The following KIRREL3 variants were observed in gnomAD, a reference collection of about 807,000 sequenced individuals.
KIRREL3 encodes the protein kin of IRRE-like protein 3.
Under a neutral mutation model 89.7 loss-of-function variants are expected in KIRREL3, and 36 were observed. The ratio of observed to expected loss-of-function variants is 0.40; its 90% CI spans 0.31 to 0.53. KIRREL3 has a LOEUF of 0.53. Ranked by LOEUF, KIRREL3 falls within the 20% of genes least tolerant of loss-of-function variation. The pLI is 0.49. For synonymous variants in KIRREL3, 445 were observed against 441.4 expected (o/e 1.01, Z -0.10); for missense variants, 864 against 1,056.6 (o/e 0.82, Z 2.53).
At position 126,640,081 on chromosome 11, in the gene KIRREL3, A is replaced by G. The variant is rs988707879; in HGVS notation, c.56-77169T>C. ...ATGAACGTGCCCAGAGAAGACAATT[A>G]ATCTCCCACCTTCCCAAGCCAGTAC... On this transcript the variant is annotated intron_variant, in intron 1 of 16. Transcript: ENST00000525144. This position sits in a 1 kb window ranked among gnomAD's most constrained non-coding sequence, Gnocchi z 4.9. 2.0e-5 allele frequency among the ~76,000 whole-genome samples: 3 copies of G among 152,174 alleles called. No homozygotes were observed. Among genetic ancestry groups the G allele is most frequent in the African/African-American group, 7.2e-5 (3 of 41,430 alleles).
At chr11:126,626,945 G>A (rs1943812810) in intron 1 of KIRREL3, among the ~76,000 whole-genome samples, 1 of 151,592 alleles carries the variant, frequency 6.6e-6, no homozygotes, top group Admixed American at 6.6e-5. Flanking sequence ...TGGGGCGGAG[G>A]TTGCAGTTTG....
At position 126,994,346 on chromosome 11, in the gene KIRREL3, C is replaced by T. The variant is rs1211068211; in HGVS notation, c.55+6109G>A. On this transcript the variant is annotated intron_variant, in intron 1 of 16. Transcript: ENST00000525144. This position sits in a 1 kb window ranked among gnomAD's most constrained non-coding sequence, Gnocchi z 5.2. The stretch of plus-strand genomic sequence containing the variant: ...TTTCCAAGGAGAAGAAGGATGACTT[C>T]CTCTTTCCACCCTTCATGCCCCAAC... Among the ~76,000 whole-genome samples the T allele has an allele frequency of 1.3e-5, 2 of 152,148 alleles. No homozygotes were observed. The highest frequency in any genetic ancestry group is 4.1e-4 in the South Asian group (2 of 4,822).
intron 8 of KIRREL3, 84 bp from the exon 9 acceptor site, chr11:126,446,970 GACCT>G: frequency 2.7e-6 from 4 of 1,505,414 alleles, no homozygotes; most frequent in Non-Finnish European, 3.6e-6. Context: ...TTTCCCCCTA[GACCT>G]TGACTGGGGG....
At chr11:126,863,590 T>A (rs1393640631) in intron 1 of KIRREL3, among the ~76,000 whole-genome samples, 2 of 144,580 alleles carry the variant, frequency 1.4e-5, no homozygotes, top group Non-Finnish European at 3.0e-5. Context: ...TGAGTGTGTG[T>A]TTGAGTGCGT....
chr11:126,749,165 C>G (rs1949252175), intron 1 of KIRREL3, among the ~76,000 whole-genome samples: 1 of 152,176 alleles, frequency 6.6e-6, no homozygotes. Context: ...ACCTTGTCCT[C>G]CCTGCTTTGG....
intron 1 of KIRREL3, among the ~76,000 whole-genome samples, chr11:126,925,163 C>A (rs867980283): frequency 2.0e-5 from 3 of 151,392 alleles, no homozygotes; most frequent in South Asian, 4.2e-4. Flanking sequence ...GCTGGTGCAC[C>A]TGCTCTGCTA....
intron 1 of KIRREL3, among the ~76,000 whole-genome samples, chr11:126,695,992 G>A (rs915276070): frequency 1.3e-5 from 2 of 152,136 alleles, no homozygotes; most frequent in Non-Finnish European, 2.9e-5. Context: ...GGTGGCTTAT[G>A]CCTGTAATCC....
rs978872883 is a variant in KIRREL3 at position 126,562,324 on chromosome 11, G to A, written c.133+511C>T. Among the ~76,000 whole-genome samples, 2 of 152,214 alleles carry A rather than the reference G, an allele frequency of 1.3e-5. No individual in the cohort carries two copies. The highest frequency in any genetic ancestry group is 1.3e-4 in the Admixed American group (2 of 15,300). On this transcript the variant is annotated intron_variant, in intron 2 of 16. Transcript: ENST00000525144. The surrounding 1 kb of genome is among the most constrained non-coding windows in gnomAD (Gnocchi z 4.7). The stretch of plus-strand genomic sequence containing the variant: ...GAATGGCCTCTGAGTAAGAGGGAGG[G>A]GTAGGGTCAGTGGAGTTGGGAAAGG...
At chr11:126,869,252 G>A (rs536265782) in intron 1 of KIRREL3, among the ~76,000 whole-genome samples, 55 of 151,882 alleles carry the variant, frequency 3.6e-4, no homozygotes, top group African/African-American at 1.2e-4. Flanking sequence ...AGGGAGGTGG[G>A]GGAATGAACA....
rs923617487 is a variant in KIRREL3 at position 126,763,581 on chromosome 11, G to A, written c.56-200669C>T. ...GTTACCCAAGAAATGTGCCCAGGCT[G>A]AGGGACCAAGGCCCAGCGAGAGTAG... is the stretch of plus-strand genomic sequence containing the variant. On this transcript the variant is annotated intron_variant, in intron 1 of 16. Transcript: ENST00000525144. The surrounding 1 kb of genome is among the most constrained non-coding windows in gnomAD (Gnocchi z 4.7). Among the ~76,000 whole-genome samples the A allele has an allele frequency of 6.6e-6, 1 of 152,234 alleles. No individual in the cohort carries two copies. Among genetic ancestry groups the A allele is most frequent in the Non-Finnish European group, 1.5e-5 (1 of 68,046 alleles).
rs1387948271 is a variant in KIRREL3, at chr11:126,609,675, C to G, written c.56-46763G>C. The stretch of plus-strand genomic sequence containing the variant: ...TTCTGGGGGTTCCGAACTTTGGCTG[C>G]ATATTGGAATTATCTGAGATGTCTG... On this transcript the variant is annotated intron_variant, in intron 1 of 16. Transcript: ENST00000525144. The surrounding 1 kb of genome is among the most constrained non-coding windows in gnomAD (Gnocchi z 5.0). Among the ~76,000 whole-genome samples the G allele has an allele frequency of 6.6e-6, 1 of 152,088 alleles. No homozygotes were observed. The highest frequency in any genetic ancestry group is 1.9e-4 in the East Asian group (1 of 5,194).
chr11:126,680,120 G>A (rs2135095483), intron 1 of KIRREL3, among the ~76,000 whole-genome samples: 1 of 152,292 alleles, frequency 6.6e-6, no homozygotes, highest in South Asian at 2.1e-4. Flanking sequence ...CAAAACACAT[G>A]TGAACTACTT....
chr11:126,678,599 C>CAAAAAAGAAAAAAAA (rs1946305330), intron 1 of KIRREL3, among the ~76,000 whole-genome samples: 1 of 50,046 alleles, frequency 2.0e-5, no homozygotes, highest in Non-Finnish European at 3.4e-5. Flanking sequence ...GACTCTGTCT[C>CAAAAAAGAAAAAAAA]AAAAAAAAAA....
rs116705904 is a variant in KIRREL3 at position 126,938,715 on chromosome 11, G to A, written c.55+61740C>T. ...TACTCTAAACTGTAACATAAAGAAA[G>A]TTTCTAGACACAATTTTCTTTTCAC... On this transcript the variant is annotated intron_variant, in intron 1 of 16. Transcript: ENST00000525144. 6.1e-3 allele frequency among the ~76,000 whole-genome samples: 932 copies of A among 152,266 alleles called. 6 individuals are homozygous for A. Among genetic ancestry groups the A allele is most frequent in the African/African-American group, 0.021 (871 of 41,542 alleles).
At chr11:126,588,416 G>A (rs1292333032) in intron 1 of KIRREL3, among the ~76,000 whole-genome samples, 1 of 152,224 alleles carries the variant, frequency 6.6e-6, no homozygotes, top group African/African-American at 2.4e-5. Flanking sequence ...ACCTGGGAGG[G>A]CTATGCTGGC....
At position 126,520,198 on chromosome 11, in the gene KIRREL3, C is replaced by A. The variant is rs975784206; in HGVS notation, c.433+1117G>T. On this transcript the variant is annotated intron_variant, in intron 4 of 16. Coordinates refer to ENST00000525144, the MANE Select transcript of KIRREL3 (RefSeq NM_032531.4). This position sits in a 1 kb window ranked among gnomAD's most constrained non-coding sequence, Gnocchi z 4.9. ...TATTTCATCTCTGAGCAGCTGTGTGCTTTAGCTGCCAGGAGAGGAGGCAGC... is the reference window on the plus strand; with the variant it reads ...TATTTCATCTCTGAGCAGCTGTGTGATTTAGCTGCCAGGAGAGGAGGCAGC... Among the ~76,000 whole-genome samples, 2 of 152,210 alleles carry A rather than the reference C, an allele frequency of 1.3e-5. No individual in the cohort carries two copies. Among genetic ancestry groups the A allele is most frequent in the Non-Finnish European group, 2.9e-5 (2 of 68,040 alleles).
chr11:126,797,784 T>C lies in KIRREL3; in HGVS notation c.55+202671A>G, dbSNP rs1950860426. 1.3e-5 allele frequency among the ~76,000 whole-genome samples: 2 copies of C among 152,332 alleles called. No homozygotes were observed. The highest frequency in any genetic ancestry group is 3.4e-3 in the Middle Eastern group (1 of 294). On this transcript the variant is annotated intron_variant, in intron 1 of 16. Transcript: ENST00000525144. The surrounding 1 kb of genome is among the most constrained non-coding windows in gnomAD (Gnocchi z 4.9). The stretch of plus-strand genomic sequence containing the variant: ...CACTGAACCTGTTTTCTGATTCGTA[T>C]TTTGTCCTTGTAAATCAGAAGCACC...
At chr11:126,680,743 A>G (rs1946417679) in intron 1 of KIRREL3, among the ~76,000 whole-genome samples, 1 of 152,110 alleles carries the variant, frequency 6.6e-6, no homozygotes, top group South Asian at 2.1e-4. Flanking sequence ...AGCAAAAAAA[A>G]AAAAAAGATA....
At position 126,891,468 on chromosome 11, in the gene KIRREL3, T is replaced by C. The variant is rs574212547; in HGVS notation, c.55+108987A>G. ...GGCAAGAGGTGAGCCCATGTCCTAC[T>C]AAATGCCTGCAAAGTGGCTGTCTTT... On this transcript the variant is annotated intron_variant, in intron 1 of 16. Transcript: ENST00000525144. The surrounding 1 kb of genome is among the most constrained non-coding windows in gnomAD (Gnocchi z 5.1). 6.6e-6 allele frequency among the ~76,000 whole-genome samples: 1 copy of C among 152,344 alleles called. No homozygotes were observed.
Sources: gnomAD v4.1 joint callset for allele counts (sites outside exome capture counted in the v4.1 genomes callset) on GRCh38, gnomAD v4.1.1 for gene constraint, Gnocchi (gnomAD v3.1) non-coding constraint, MANE v1.5 for transcripts, NCBI Gene and HGNC (gene_info 2026-07-23, HGNC 2026-07-21) for gene names.